The following ANP32E variants were observed in gnomAD, a reference collection of about 807,000 sequenced individuals.
The protein encoded by ANP32E is acidic leucine-rich nuclear phosphoprotein 32 family member E.
ANP32E carries 14 observed loss-of-function variants against 35.3 expected under a neutral mutation model. The observed-to-expected ratio is 0.40, with a 90% CI of 0.26 to 0.62. ANP32E has a LOEUF of 0.62. ANP32E is among the 20% of genes least tolerant of loss of function. The pLI is 0.45. For synonymous variants in ANP32E, 89 were observed against 110.4 expected (o/e 0.81, Z 1.22); for missense variants, 198 against 304.4 (o/e 0.65, Z 2.60).
rs587757078 is a variant in ANP32E at position 150,232,066 on chromosome 1, C to T, written c.55-140G>A. 1.2e-5 allele frequency: 10 copies of T among 856,738 alleles called. No homozygotes were observed. In the Admixed American group the frequency reaches 3.1e-4, roughly 26 times the overall value. 53.1% of individuals were successfully genotyped at this position (856,738 alleles called of 1,614,324 possible). On this transcript the variant is annotated intron_variant, in intron 1 of 6. Transcript: ENST00000583931. Reference sequence around the variant, plus strand: ...CCCGTCAGTTAAAACAAAATACGGCCGGGCGCGGTGGCTCACGCCTGTAAT... The same window carrying T: ...CCCGTCAGTTAAAACAAAATACGGCTGGGCGCGGTGGCTCACGCCTGTAAT...
At position 150,235,839 on chromosome 1, in the gene ANP32E, C is replaced by G; in HGVS notation, c.-53G>C. ...TCTCCTTTTCCCTTTCCTGCCTTCC[C>G]CAATACCCCCAACCCAAAATTTTTA... On this transcript the variant is annotated 5_prime_UTR_variant, in exon 1 of 7. Coordinates refer to ENST00000583931, the MANE Select transcript of ANP32E (RefSeq NM_030920.5). The surrounding 1 kb of genome is among the most constrained non-coding windows in gnomAD (Gnocchi z 4.2). The G allele has an allele frequency of 7.2e-7, 1 of 1,392,610 alleles. No individual in the cohort carries two copies. The highest frequency in any genetic ancestry group is 2.0e-5 in the Admixed American group (1 of 50,530). The allele number at this position is 1,392,610 out of a possible 1,614,324, so 86.3% of individuals were successfully genotyped here.
chr1:150,235,102 C>T lies in ANP32E; in HGVS notation c.54+631G>A, dbSNP rs371629977. Among the ~76,000 whole-genome samples the T allele has an allele frequency of 2.2e-4, 33 of 152,276 alleles. 1 individual carries two copies. The South Asian group carries it at 6.6e-3, about 31-fold the overall frequency. ...TCACTGCGACGAGTCCCCAAACTCG[C>T]CCGCGGTCGGAGAACCCGCCGCTGA... On this transcript the variant is annotated intron_variant, in intron 1 of 6. Coordinates refer to ENST00000583931, the MANE Select transcript of ANP32E (RefSeq NM_030920.5). The surrounding 1 kb of genome is among the most constrained non-coding windows in gnomAD (Gnocchi z 4.2).
chr1:150,220,760 T>C lies in ANP32E; in HGVS notation c.738A>G (p.Glu246=). 6.2e-7 allele frequency: 1 copy of C among 1,613,456 alleles called. No individual in the cohort carries two copies. The highest frequency in any genetic ancestry group is 1.3e-5 in the African/African-American group (1 of 75,042). ...VEEGEEEEEE[E]EGGLRGEKRK... Reference sequence around the variant, plus strand: ...TCTTCTCCCCTCGAAGACCTCCTTCTTCTTAAAGAGTGGAAAGAAAAATGC... The same window carrying C: ...TCTTCTCCCCTCGAAGACCTCCTTCCTCTTAAAGAGTGGAAAGAAAAATGC... The change falls in exon 7 of 7, where the codon GAA becomes GAG. Residue 246 remains glutamate, a splice_region_variant and synonymous_variant. Coordinates refer to ENST00000583931, the MANE Select transcript of ANP32E (RefSeq NM_030920.5).
At chr1:150,229,497 A>G (rs1483879987) in intron 3 of ANP32E, among the ~76,000 whole-genome samples, 1 of 143,416 alleles carries the variant, frequency 7.0e-6, no homozygotes. Context: ...TGTTTTGTTG[A>G]GACGGACTTT....
intron 1 of ANP32E, among the ~76,000 whole-genome samples, chr1:150,233,264 CAAAAAAAAAAA>C (rs60732970): frequency 1.2e-5 from 1 of 86,390 alleles, no homozygotes; most frequent in South Asian, 3.9e-4. Flanking sequence ...GACTCTATCT[CAAAAAAAAAAA>C]AAAAAAAAAA....
rs1306976658 is a variant in ANP32E, at chr1:150,220,309, A to G, written c.*382T>C. ...CCACTCAAGAGACTATTGTCATTTT[A>G]TATTATAGCAAACTGTAATTTCAGT... On this transcript the variant is annotated 3_prime_UTR_variant, in exon 7 of 7. Transcript: ENST00000583931. 6.5e-6 allele frequency: 1 copy of G among 153,126 alleles called. No individual in the cohort carries two copies. The highest frequency in any genetic ancestry group is 1.4e-5 in the Non-Finnish European group (1 of 69,120). 9.5% of individuals were successfully genotyped at this position (153,126 alleles called of 1,614,324 possible).
At chr1:150,221,271 T>G (rs1475924765) in intron 6 of ANP32E, among the ~76,000 whole-genome samples, 1 of 150,826 alleles carries the variant, frequency 6.6e-6, no homozygotes, top group Admixed American at 6.6e-5. Flanking sequence ...ACCCCCCATC[T>G]CTACTAAAAA....
At chr1:150,224,498 C>A (rs879978356) in intron 5 of ANP32E, among the ~76,000 whole-genome samples, 5 of 151,654 alleles carry the variant, frequency 3.3e-5, no homozygotes, top group Non-Finnish European at 7.4e-5. Flanking sequence ...CGCTTGCACT[C>A]AAGAGGCAGA....
At chr1:150,229,555 C>A (rs1649180810) in intron 3 of ANP32E, among the ~76,000 whole-genome samples, 1 of 145,938 alleles carries the variant, frequency 6.9e-6, no homozygotes, top group Non-Finnish European at 1.5e-5. Context: ...TCTCAGCTCA[C>A]CACACCTCCG....
At chr1:150,220,979 A>G (rs587737898) in intron 6 of ANP32E, among the ~76,000 whole-genome samples, 1 of 152,086 alleles carries the variant, frequency 6.6e-6, no homozygotes, top group East Asian at 1.9e-4. Context: ...TTAGCCAGGC[A>G]TGGTGGCGGG....
intron 4 of ANP32E, among the ~76,000 whole-genome samples, chr1:150,228,560 C>T (rs1376050800): frequency 5.3e-5 from 8 of 151,944 alleles, no homozygotes; most frequent in Admixed American, 1.3e-4. Flanking sequence ...GGAGTGGTGG[C>T]GGGCACCTGT....
chr1:150,226,697 C>T lies in ANP32E; in HGVS notation c.592G>A (p.Glu198Lys). 1 of 1,582,734 alleles carries T rather than the reference C, an allele frequency of 6.3e-7. No individual in the cohort carries two copies. The highest frequency in any genetic ancestry group is 1.1e-5 in the South Asian group (1 of 89,620). The change falls in exon 5 of 7, where the codon GAG becomes AAG. Residue 198 changes from glutamate (E) to lysine (K), a missense_variant. Physicochemically the swap from Glu to Lys is moderately conservative, Grantham distance 56. Transcript: ENST00000583931. ...EEEEEEEDED[E>K]DEDEDEAGSE... is the part of the protein sequence containing the mutation. ...CCTGCTTCATCTTCATCTTCATCCT[C>T]ATCCTCATCCTCCTCTTCCTCTTCC...
intron 6 of ANP32E, among the ~76,000 whole-genome samples, chr1:150,222,580 C>A (rs1648516525): frequency 6.6e-6 from 1 of 150,720 alleles, no homozygotes; most frequent in Admixed American, 6.6e-5. Flanking sequence ...ATGGCGAAAC[C>A]CCATCTCTAA....
At chr1:150,228,132 A>G (rs1406464692) in intron 4 of ANP32E, among the ~76,000 whole-genome samples, 1 of 151,618 alleles carries the variant, frequency 6.6e-6, no homozygotes, top group Admixed American at 6.6e-5. Context: ...TTTTTGAGAC[A>G]GAGTCTAACT....
At chr1:150,232,360 A>ACAAC (rs1553842011) in intron 1 of ANP32E, among the ~76,000 whole-genome samples, 2 of 132,258 alleles carry the variant, frequency 1.5e-5, no homozygotes, top group African/African-American at 5.6e-5. Flanking sequence ...AAAAAAAAAT[A>ACAAC]ACAACACAAC....
chr1:150,229,721 G>C (rs1424940533), intron 3 of ANP32E, among the ~76,000 whole-genome samples: 1 of 152,138 alleles, frequency 6.6e-6, no homozygotes, highest in Non-Finnish European at 1.5e-5. Flanking sequence ...CAGGTGATCT[G>C]CCTGCCTCGG....
rs1365484225 is a variant in ANP32E, at chr1:150,223,917, G to A, written c.682-677C>T. 2.0e-5 allele frequency among the ~76,000 whole-genome samples: 3 copies of A among 151,722 alleles called. No homozygotes were observed. In the East Asian group the frequency reaches 6.0e-4, roughly 30 times the overall value. On this transcript the variant is annotated intron_variant, in intron 5 of 6. Transcript: ENST00000583931. ...TGCGCCACCACGCCCAGCTAATTTTGTATTTATAGTAGAGACAGGGTTTCT... is the reference window on the plus strand; with the variant it reads ...TGCGCCACCACGCCCAGCTAATTTTATATTTATAGTAGAGACAGGGTTTCT...
Position 150,226,536 on chromosome 1 carries a change from AC to A in ANP32E, c.681+71del, listed in dbSNP as rs142978981. On this transcript the variant is annotated intron_variant, in intron 5 of 6. Transcript: ENST00000583931. ...GAAACAACTCTCAGATTGCTACAAA[AC>A]ACACTTTATATAGTACTTACTCCTA... The A allele has an allele frequency of 1.6e-3, 2,512 of 1,546,172 alleles. 47 individuals are homozygous for A. The African/African-American group carries it at 0.03, about 19-fold the overall frequency.
chr1:150,230,531 C>A, intron 3 of ANP32E, 40 bp downstream of exon 3: 1 of 1,511,894 alleles, frequency 6.6e-7, no homozygotes, highest in African/African-American at 1.4e-5. Context: ...GAAAATTTAA[C>A]CAAAAAAAGC....
Sources: allele counts gnomAD v4.1 joint callset (sites outside exome capture counted in the v4.1 genomes callset), GRCh38; gene constraint gnomAD v4.1.1; non-coding constraint Gnocchi (gnomAD v3.1); transcripts MANE v1.5; gene names NCBI Gene and HGNC (gene_info 2026-07-23, HGNC 2026-07-21).